ZDHHC14: variants seen among roughly 807,000 people sequenced by gnomAD.
The protein encoded by ZDHHC14 is zDHHC palmitoyltransferase 14, also known as palmitoyltransferase ZDHHC14.
A neutral mutation model predicts 47.7 loss-of-function variants in ZDHHC14; 16 were observed. That is an observed-to-expected ratio of 0.34 (90% CI 0.23 to 0.51). The LOEUF is 0.51. ZDHHC14 is among the 20% of genes least tolerant of loss of function. ZDHHC14 has a pLI of 0.97. For synonymous variants in ZDHHC14, 293 were observed against 278.9 expected, an observed-to-expected ratio of 1.05 and a Z score of -0.50; for missense variants, 515 against 662.5, an observed-to-expected ratio of 0.78 and a Z score of 2.44.
At chr6:157,461,904 C>G (rs935072565) in intron 1 of ZDHHC14, among the ~76,000 whole-genome samples, 1 of 152,206 alleles carries the variant, frequency 6.6e-6, no homozygotes, top group Admixed American at 6.5e-5. Flanking sequence ...CACAGCGGTT[C>G]TGGGTCTTGA....
At chr6:157,520,250 T>A (rs1368185823) in intron 1 of ZDHHC14, among the ~76,000 whole-genome samples, 1 of 152,224 alleles carries the variant, frequency 6.6e-6, no homozygotes, top group Non-Finnish European at 1.5e-5. Flanking sequence ...ATTCCCCCTC[T>A]GCTCTTGCCC....
chr6:157,474,940 T>A (rs1179216763), intron 1 of ZDHHC14, among the ~76,000 whole-genome samples: 2 of 152,214 alleles, frequency 1.3e-5, no homozygotes, highest in Non-Finnish European at 2.9e-5. Flanking sequence ...TTCTGTCTCC[T>A]GTGCTTTTGG....
intron 5 of ZDHHC14, among the ~76,000 whole-genome samples, chr6:157,636,336 A>T (rs1019941884): frequency 8.0e-4 from 120 of 149,244 alleles, no homozygotes; most frequent in African/African-American, 2.6e-3. Flanking sequence ...AGGATATATA[A>T]GTGTGTGTGT....
rs35831496 is a variant in ZDHHC14, at chr6:157,531,291, G to GC, written c.246-11286dup. Among the ~76,000 whole-genome samples the GC allele has an allele frequency of 5.3e-5, 8 of 151,422 alleles. No individual in the cohort carries two copies. The East Asian group carries it at 7.8e-4, about 15-fold the overall frequency. ...TGACTAAACAGCCTACAACGCCCCT[G>GC]CCCCCCCCGGACATGCCGTTCCAGA... is the stretch of plus-strand genomic sequence containing the variant. On this transcript the variant is annotated intron_variant, in intron 1 of 8. Transcript: ENST00000359775.
intron 1 of ZDHHC14, among the ~76,000 whole-genome samples, chr6:157,411,752 T>TAAAA (rs10719123): frequency 7.2e-5 from 10 of 139,492 alleles, no homozygotes; most frequent in African/African-American, 2.6e-4. Context: ...ATGTTCATGG[T>TAAAA]AAAAAAAAAA....
intron 1 of ZDHHC14, among the ~76,000 whole-genome samples, chr6:157,533,593 G>T (rs575354102): frequency 1.3e-5 from 2 of 152,336 alleles, no homozygotes; most frequent in African/African-American, 4.8e-5. Context: ...CAGGAGGGAG[G>T]AAGATGAGGT....
rs376169300 is a variant in ZDHHC14 at position 157,427,075 on chromosome 6, G to A, written c.245+44809G>A. 1.3e-5 allele frequency among the ~76,000 whole-genome samples: 2 copies of A among 152,090 alleles called. No individual in the cohort carries two copies. The highest frequency in any genetic ancestry group is 2.1e-4 in the South Asian group (1 of 4,814). ...GGCACGGTGCGAGCTGGGGTGGCAG[G>A]GGAGCAAGGGCCCCAGGGAGAAGAG... is the stretch of plus-strand genomic sequence containing the variant. On this transcript the variant is annotated intron_variant, in intron 1 of 8. Coordinates refer to ENST00000359775, the MANE Select transcript of ZDHHC14 (RefSeq NM_024630.3). The surrounding 1 kb of genome is among the most constrained non-coding windows in gnomAD (Gnocchi z 4.4).
chr6:157,560,522 TAATA>T (rs1393466887), intron 2 of ZDHHC14, among the ~76,000 whole-genome samples: 1 of 152,258 alleles, frequency 6.6e-6, no homozygotes, highest in African/African-American at 2.4e-5. Context: ...ATTGGGATCT[TAATA>T]TATATAGGAA....
chr6:157,405,963 G>T (rs560398611), intron 1 of ZDHHC14, among the ~76,000 whole-genome samples: 2 of 152,064 alleles, frequency 1.3e-5, no homozygotes, highest in Non-Finnish European at 2.9e-5. Flanking sequence ...ACCCCTGCTC[G>T]GACCTCCCCA....
chr6:157,595,161 G>A (rs1784070423), intron 3 of ZDHHC14, among the ~76,000 whole-genome samples: 1 of 96,956 alleles, frequency 1.0e-5, no homozygotes, highest in Non-Finnish European at 2.1e-5. Context: ...TCTGTTTCTT[G>A]TCTCTAGGCT....
At chr6:157,482,420 ATT>A (rs762678926) in intron 1 of ZDHHC14, among the ~76,000 whole-genome samples, 1 of 144,880 alleles carries the variant, frequency 6.9e-6, no homozygotes. Flanking sequence ...TCCTTGGCTA[ATT>A]TTTTTTTTTT....
intron 8 of ZDHHC14, among the ~76,000 whole-genome samples, chr6:157,666,823 T>G (rs762973308): frequency 6.6e-6 from 1 of 152,218 alleles, no homozygotes; most frequent in Non-Finnish European, 1.5e-5. Context: ...TCTATGGCAT[T>G]TTTAAATTGT....
intron 1 of ZDHHC14, among the ~76,000 whole-genome samples, chr6:157,390,582 A>G (rs1777402500): frequency 6.6e-6 from 1 of 151,840 alleles, no homozygotes; most frequent in Non-Finnish European, 1.5e-5. Context: ...GTTTTTGTCA[A>G]TTCTTTTCTT....
chr6:157,543,188 A>G (rs1189488816), intron 2 of ZDHHC14, among the ~76,000 whole-genome samples: 1 of 152,198 alleles, frequency 6.6e-6, no homozygotes, highest in Non-Finnish European at 1.5e-5. Flanking sequence ...CAGGATTGAG[A>G]ATTTCCTTTA....
At chr6:157,485,430 G>A (rs241590) in intron 1 of ZDHHC14, among the ~76,000 whole-genome samples, 35,162 of 152,092 alleles carry the variant, frequency 0.23, 4,378 homozygotes, top group African/African-American at 0.34. Flanking sequence ...TTCTTTGTAT[G>A]TAAAAATTTC....
chr6:157,612,886 G>A (rs1784807254), intron 3 of ZDHHC14, among the ~76,000 whole-genome samples: 1 of 151,130 alleles, frequency 6.6e-6, no homozygotes, highest in Non-Finnish European at 1.5e-5. Context: ...CTATGATGAG[G>A]TTAGTGTTCT....
chr6:157,521,446 C>G (rs967466699), intron 1 of ZDHHC14, among the ~76,000 whole-genome samples: 2 of 152,214 alleles, frequency 1.3e-5, no homozygotes, highest in African/African-American at 4.8e-5. Context: ...TCACATACAA[C>G]AGAAACTTAC....
At chr6:157,568,435 G>A (rs1366250679) in intron 2 of ZDHHC14, among the ~76,000 whole-genome samples, 2 of 147,170 alleles carry the variant, frequency 1.4e-5, no homozygotes, top group African/African-American at 5.2e-5. Context: ...CTATTTTGAA[G>A]GCAGATTTTT....
At chr6:157,580,712 TTGTGTGTG>T (rs35713410) in intron 2 of ZDHHC14, among the ~76,000 whole-genome samples, 2 of 148,684 alleles carry the variant, frequency 1.3e-5, no homozygotes, top group Non-Finnish European at 3.0e-5. Flanking sequence ...TTTTTGTGTT[TTGTGTGTG>T]TGTGTGTGTG....
Sources: allele counts gnomAD v4.1 joint callset (sites outside exome capture counted in the v4.1 genomes callset), GRCh38; gene constraint gnomAD v4.1.1; non-coding constraint Gnocchi (gnomAD v3.1); transcripts MANE v1.5; gene names NCBI Gene and HGNC (gene_info 2026-07-23, HGNC 2026-07-21).